DBH: variants seen among roughly 807,000 people sequenced by gnomAD.
DBH encodes the protein dopamine beta-hydroxylase (dopamine beta-monooxygenase).
In DBH, 49 loss-of-function variants were observed where a neutral mutation model predicts 64.0. The observed-to-expected ratio is 0.77, with a 90% CI of 0.61 to 0.97. The LOEUF (loss-of-function observed/expected upper bound fraction) is 0.97, where lower values mean the gene tolerates loss of function less well. DBH is among the 50% of genes least tolerant of loss of function. The pLI is 0.00. For missense variants in DBH, 828 were observed against 826.6 expected, an observed-to-expected ratio of 1.00 and a Z score of -0.02; for synonymous variants, 343 against 347.1, an observed-to-expected ratio of 0.99 and a Z score of 0.13.
At chr9:133,639,241 A>T (rs1389899248) in intron 1 of DBH, among the ~76,000 whole-genome samples, 2 of 151,762 alleles carry the variant, frequency 1.3e-5, no homozygotes, top group African/African-American at 4.9e-5. Context: ...AAAAAAAAAA[A>T]AAAATCCAAA....
chr9:133,641,935 C>T (rs377041279), intron 2 of DBH, among the ~76,000 whole-genome samples: 4 of 152,290 alleles, frequency 2.6e-5, no homozygotes, highest in African/African-American at 9.6e-5. Flanking sequence ...CCAGTAGTCA[C>T]TGGTTGAATG....
intron 1 of DBH, among the ~76,000 whole-genome samples, chr9:133,637,783 C>G (rs774816939): frequency 6.6e-6 from 1 of 152,226 alleles, no homozygotes; most frequent in Non-Finnish European, 1.5e-5. Flanking sequence ...CCAGGAGGCA[C>G]TTGCCTGTGT....
chr9:133,644,187 A>G, intron 4 of DBH, 31 bp from the exon 5 acceptor site: 1 of 1,555,428 alleles, frequency 6.4e-7, no homozygotes, highest in Non-Finnish European at 8.9e-7. Flanking sequence ...CTCAGGACAC[A>G]CCCGTCTGTC....
intron 6 of DBH, 108 bp downstream of exon 6, chr9:133,648,120 C>T: frequency 7.7e-7 from 1 of 1,306,602 alleles, no homozygotes. Flanking sequence ...TTTGGTTTCC[C>T]CTGACCCTGA....
intron 2 of DBH, among the ~76,000 whole-genome samples, chr9:133,641,471 C>T (rs1047771905): frequency 1.3e-5 from 2 of 152,220 alleles, no homozygotes; most frequent in Admixed American, 6.5e-5. Context: ...GAGTTCTGGG[C>T]GTCCCCTGCA....
chr9:133,652,889 C>T (rs761499786), intron 8 of DBH, 51 bp from the exon 9 acceptor site: 4 of 1,432,948 alleles, frequency 2.8e-6, no homozygotes, highest in Non-Finnish European at 2.0e-6. Context: ...GCCTCCAGCA[C>T]CTGCCAACGC....
intron 5 of DBH, among the ~76,000 whole-genome samples, chr9:133,645,660 G>A (rs537194246): frequency 1.3e-5 from 2 of 152,234 alleles, no homozygotes; most frequent in African/African-American, 2.4e-5. Context: ...TAGGGGTGTC[G>A]AGGGAAGAAG....
rs147944557 is a variant in DBH at position 133,636,642 on chromosome 9, G to C, written c.271G>C (p.Asp91His). 6.2e-7 allele frequency: 1 copy of C among 1,612,482 alleles called. No homozygotes were observed. Among genetic ancestry groups the C allele is most frequent in the African/African-American group, 1.3e-5 (1 of 74,920 alleles). The change falls in exon 1 of 12, where the codon GAC becomes CAC. Residue 91 changes from aspartate (D) to histidine (H), a missense_variant. Transcript: ENST00000393056. ...GGCTGGCGTCCTGTTTGGGATGTCC[G>C]ACCGTGGCGAGCTTGAGAACGCAGA... Reference protein sequence around the residue: ...LKAGVLFGMSDRGELENADLV... With the variant: ...LKAGVLFGMSHRGELENADLV...
In DBH at chr9:133,658,387, CA is replaced by C; in HGVS notation, c.1795del (p.Ser599AlafsTer82). 6.2e-7 allele frequency: 1 copy of C among 1,613,858 alleles called. No individual in the cohort carries two copies. Among genetic ancestry groups the C allele is most frequent in the Non-Finnish European group, 8.5e-7 (1 of 1,179,884 alleles). On this transcript the variant is annotated frameshift_variant, in exon 12 of 12. Coordinates refer to ENST00000393056, the MANE Select transcript of DBH (RefSeq NM_000787.4). LOFTEE classifies it low-confidence loss of function (END_TRUNC). The stretch of plus-strand genomic sequence containing the variant: ...AAGAGCCCACCCCACAGTGCCCCAC[CA>C]GCCAGGGCCGAAGCCCTGCTGGCCC... Reference protein sequence around the residue: ...LEEPTPQCPTSQGRSPAGPTV... With the variant: ...LEEPTPQCPTXQGRSPAGPTV...
chr9:133,648,321 C>G (rs1311874591), intron 6 of DBH, among the ~76,000 whole-genome samples: 1 of 152,210 alleles, frequency 6.6e-6, no homozygotes, highest in Non-Finnish European at 1.5e-5. Flanking sequence ...CATGCACTTG[C>G]CACTCACAAG....
At chr9:133,654,096 G>C (rs960352044) in intron 9 of DBH, among the ~76,000 whole-genome samples, 1 of 126,738 alleles carries the variant, frequency 7.9e-6, no homozygotes, top group African/African-American at 3.1e-5. Flanking sequence ...GACTGCCAGT[G>C]GTTTATTTTA....
In DBH at chr9:133,658,353, C is replaced by G; in HGVS notation, c.1760C>G (p.Ser587Cys). 10 of 1,613,930 alleles carry G rather than the reference C, an allele frequency of 6.2e-6. No homozygotes were observed. The highest frequency in any genetic ancestry group is 8.5e-6 in the Non-Finnish European group (10 of 1,179,908). Reference protein sequence around the residue: ...WNLQPLPKVISTLEEPTPQCP... With the variant: ...WNLQPLPKVICTLEEPTPQCP... ...CTGCAGCCCCTGCCCAAGGTCATCT[C>G]CACACTGGAAGAGCCCACCCCACAG... is the stretch of plus-strand genomic sequence containing the variant. The change falls in exon 12 of 12, where the codon TCC becomes TGC. Residue 587 changes from serine (S) to cysteine (C), a missense_variant. By Grantham distance (112) the Ser-to-Cys change is moderately radical (BLOSUM62 -1). Transcript: ENST00000393056.
In DBH at chr9:133,647,877, C is replaced by G. The variant is rs1441074396; in HGVS notation, c.1056C>G (p.Tyr352Ter). The change falls in exon 6 of 12, where the codon TAC (tyrosine) becomes TAG (stop). Residue 352 changes from tyrosine to a stop codon, truncating the protein, a stop_gained. Transcript: ENST00000393056. LOFTEE classifies it high-confidence loss of function. The part of the protein sequence containing the change: ...GRNDSSGIRL[Y>*]YTAKLRRFNA... ...ACGACTCCTCAGGCATCCGCTTGTACTACACAGCCAAGCTGCGGCGCTTCA... is the reference window on the plus strand; with the variant it reads ...ACGACTCCTCAGGCATCCGCTTGTAGTACACAGCCAAGCTGCGGCGCTTCA... 1 of 1,614,244 alleles carries G rather than the reference C, an allele frequency of 6.2e-7. No individual in the cohort carries two copies. The highest frequency in any genetic ancestry group is 1.7e-5 in the Admixed American group (1 of 60,032).
At position 133,658,320 on chromosome 9, in the gene DBH, A is replaced by G. The variant is rs1832362063; in HGVS notation, c.1727A>G (p.Glu576Gly). Reference sequence around the variant, plus strand: ...CTCCTGCCCCCTTCCTTGCAGGGTGAATGGAACCTGCAGCCCCTGCCCAAG... The same window carrying G: ...CTCCTGCCCCCTTCCTTGCAGGGTGGATGGAACCTGCAGCCCCTGCCCAAG... Reference protein sequence around the residue: ...NKSSAVRFQGEWNLQPLPKVI... With the variant: ...NKSSAVRFQGGWNLQPLPKVI... The change falls in exon 12 of 12, where the codon GAA (glutamate) becomes GGA (glycine). Residue 576 changes from glutamate (E) to glycine (G), a missense_variant. Transcript: ENST00000393056. 1.2e-6 allele frequency: 2 copies of G among 1,613,738 alleles called. No homozygotes were observed. Among genetic ancestry groups the G allele is most frequent in the African/African-American group, 2.7e-5 (2 of 74,902 alleles).
intron 1 of DBH, among the ~76,000 whole-genome samples, chr9:133,637,483 G>A (rs1360127587): frequency 2.6e-5 from 4 of 152,244 alleles, no homozygotes; most frequent in African/African-American, 4.8e-5. Context: ...GGCCACCAGG[G>A]CTTCTTTGTG....
rs372701213 is a variant in DBH at position 133,644,251 on chromosome 9, T to C, written c.955T>C (p.Phe319Leu). ...CTACCCAGAGGAAGCCGGCCTTGCCTTCGGGGGTCCAGGGTCCTCCAGATA... is the reference window on the plus strand; with the variant it reads ...CTACCCAGAGGAAGCCGGCCTTGCCCTCGGGGGTCCAGGGTCCTCCAGATA... Reference protein sequence around the residue: ...FYYPEEAGLAFGGPGSSRYLR... With the variant: ...FYYPEEAGLALGGPGSSRYLR... The change falls in exon 5 of 12, where the codon TTC becomes CTC. Residue 319 changes from phenylalanine to leucine, a missense_variant. Physicochemically the swap from Phe to Leu is conservative, Grantham distance 22. Transcript: ENST00000393056. The C allele has an allele frequency of 6.2e-7, 1 of 1,614,174 alleles. No individual in the cohort carries two copies. The highest frequency in any genetic ancestry group is 8.5e-7 in the Non-Finnish European group (1 of 1,180,006).
intron 9 of DBH, among the ~76,000 whole-genome samples, chr9:133,653,502 C>T (rs1003088355): frequency 6.6e-6 from 1 of 152,066 alleles, no homozygotes; most frequent in Admixed American, 6.6e-5. Context: ...AGGGCCTTGT[C>T]AGAAATGTGG....
rs1329178110 is a variant in DBH, at chr9:133,656,515, A to G, written c.1435-8A>G. The G allele has an allele frequency of 5.6e-6, 9 of 1,613,666 alleles. No individual in the cohort carries two copies. Among genetic ancestry groups the G allele is most frequent in the Non-Finnish European group, 5.9e-6 (7 of 1,179,986 alleles). The stretch of plus-strand genomic sequence containing the variant: ...GCCCGGGGCTGACGGGTCTCCTCCA[A>G]CTTGCAGGGGGGCTTCGGGATCCTG... On this transcript the variant is annotated splice_polypyrimidine_tract_variant and splice_region_variant and intron_variant, in intron 9 of 11. Coordinates refer to ENST00000393056, the MANE Select transcript of DBH (RefSeq NM_000787.4).
Position 133,647,910 on chromosome 9 carries a change from G to C in DBH, c.1089G>C (p.Gly363=). The change falls in exon 6 of 12, where the codon GGG becomes GGC. Residue 363 remains glycine (G), a synonymous_variant. Coordinates refer to ENST00000393056, the MANE Select transcript of DBH (RefSeq NM_000787.4). ...CCAAGCTGCGGCGCTTCAACGCGGG[G>C]ATCATGGAGCTGGGACTGGTGTACA... ...YTAKLRRFNA[G]IMELGLVYTP... 2 of 1,614,182 alleles carry C rather than the reference G, an allele frequency of 1.2e-6. No individual in the cohort carries two copies. The highest frequency in any genetic ancestry group is 2.2e-5 in the South Asian group (2 of 91,084).
Sources: gnomAD v4.1 joint callset for allele counts (sites outside exome capture counted in the v4.1 genomes callset) on GRCh38, gnomAD v4.1.1 for gene constraint, MANE v1.5 for transcripts, NCBI Gene and HGNC (gene_info 2026-07-23, HGNC 2026-07-21) for gene names.